The following EFNA2 variants were observed in gnomAD, a reference collection of about 807,000 sequenced individuals.
EFNA2 encodes ephrin A2.
EFNA2 carries 18 observed loss-of-function variants against 19.7 expected under a neutral mutation model. That is an observed-to-expected ratio of 0.91 (90% CI 0.63 to 1.35). EFNA2 has a LOEUF of 1.35. Among genes scored for constraint, EFNA2 ranks in the 40% most tolerant of loss-of-function variants. The pLI is 0.00. For synonymous variants in EFNA2, 187 were observed against 137.8 expected (o/e 1.36, Z -2.50); for missense variants, 303 against 296.0 (o/e 1.02, Z -0.17).
At position 1,286,904 on chromosome 19, in the gene EFNA2, A is replaced by G. The variant is rs2081467636; in HGVS notation, c.140+596A>G. The stretch of plus-strand genomic sequence containing the variant: ...CTGAGGGGCCGGGGAGCTGGGGGTC[A>G]GCCCCGGGAGGGGCAGTGGGATGGA... On this transcript the variant is annotated intron_variant, in intron 1 of 3. Transcript: ENST00000215368. The surrounding 1 kb of genome is among the most constrained non-coding windows in gnomAD (Gnocchi z 5.6). Among the ~76,000 whole-genome samples the G allele has an allele frequency of 6.6e-6, 1 of 152,162 alleles. No homozygotes were observed. The highest frequency in any genetic ancestry group is 6.5e-5 in the Admixed American group (1 of 15,280).
rs2081463837 is a variant in EFNA2 at position 1,286,261 on chromosome 19, C to T, written c.93C>T (p.Arg31=). 1 of 1,125,446 alleles carries T rather than the reference C, an allele frequency of 8.9e-7. No individual in the cohort carries two copies. Among genetic ancestry groups the T allele is most frequent in the South Asian group, 2.0e-5 (1 of 51,022 alleles). The allele number at this position is 1,125,446 out of a possible 1,614,324, so 69.7% of individuals were successfully genotyped here. A position where few individuals can be genotyped will look rare whatever the true frequency, so the allele number is the denominator to read the frequency against. Residue 31 remains arginine, a synonymous_variant, in exon 1 of 4, where the codon CGC becomes CGT. Coordinates refer to ENST00000215368, the MANE Select transcript of EFNA2 (RefSeq NM_001405.4). The surrounding 1 kb of genome is among the most constrained non-coding windows in gnomAD (Gnocchi z 5.6). ...PPFARAEDAA[R]ANSDRYAVYW... ...TCGCGCGCGCCGAGGACGCCGCCCG[C>T]GCCAACTCGGACCGCTACGCCGTCT...
chr19:1,300,795 A>G lies in EFNA2; in HGVS notation c.*850A>G, dbSNP rs904661142. 6.6e-6 allele frequency among the ~76,000 whole-genome samples: 1 copy of G among 152,140 alleles called. No individual in the cohort carries two copies. The highest frequency in any genetic ancestry group is 2.4e-5 in the African/African-American group (1 of 41,428). Reference sequence around the variant, plus strand: ...AGAAACTGCTTTGGCCGATGCAAACAGCCCCCTACCCGTCCCCCTCGCCTC... The same window carrying G: ...AGAAACTGCTTTGGCCGATGCAAACGGCCCCCTACCCGTCCCCCTCGCCTC... On this transcript the variant is annotated 3_prime_UTR_variant, in exon 4 of 4. Coordinates refer to ENST00000215368, the MANE Select transcript of EFNA2 (RefSeq NM_001405.4).
At chr19:1,289,909 T>C (rs1168448061) in intron 1 of EFNA2, among the ~76,000 whole-genome samples, 2 of 152,008 alleles carry the variant, frequency 1.3e-5, no homozygotes, top group Admixed American at 1.3e-4. Context: ...GGGTTTTTTG[T>C]TTTGTTTGAG....
chr19:1,292,031 C>T (rs1347968500), intron 1 of EFNA2, among the ~76,000 whole-genome samples: 1 of 152,224 alleles, frequency 6.6e-6, no homozygotes, highest in South Asian at 2.1e-4. Context: ...GTCATTAACC[C>T]CTTAGTGAGA....
intron 1 of EFNA2, among the ~76,000 whole-genome samples, chr19:1,291,626 G>T (rs1038303400): frequency 1.3e-5 from 2 of 152,150 alleles, no homozygotes; most frequent in African/African-American, 4.8e-5. Flanking sequence ...GGGTGCAGGC[G>T]TCCACCTGCC....
intron 3 of EFNA2, among the ~76,000 whole-genome samples, chr19:1,299,280 C>T (rs1286089675): frequency 6.6e-6 from 1 of 151,604 alleles, no homozygotes; most frequent in African/African-American, 2.4e-5. Flanking sequence ...ACAGAGTGGC[C>T]GGGCACGGTG....
rs570632825 is a variant in EFNA2 at position 1,296,022 on chromosome 19, A to T, written c.454+164A>T. On this transcript the variant is annotated intron_variant, in intron 2 of 3. Transcript: ENST00000215368. This position sits in a 1 kb window ranked among gnomAD's most constrained non-coding sequence, Gnocchi z 4.4. ...CAGGGGGGAGTGGGCGGGGCCGCGG[A>T]ATGGGGCCAGGGGGGAGTGGGCGGG... is the stretch of plus-strand genomic sequence containing the variant. Among the ~76,000 whole-genome samples, 1 of 116,048 alleles carries T rather than the reference A, an allele frequency of 8.6e-6. No individual in the cohort carries two copies. The highest frequency in any genetic ancestry group is 3.3e-5 in the African/African-American group (1 of 30,592). 76.1% of individuals were successfully genotyped at this position (116,048 alleles called of 152,430 possible).
Position 1,295,751 on chromosome 19 carries a change from G to C in EFNA2, c.347G>C (p.Arg116Pro). ...GGCTTCAAGCGCTGGGAGTGCAACC[G>C]GCCCGCGGCGCCCGGGGGGCCGCTC... ...QRGFKRWECN[R>P]PAAPGGPLKF... The change falls in exon 2 of 4, where the codon CGG becomes CCG. Residue 116 changes from arginine (R) to proline (P), a missense_variant. Transcript: ENST00000215368. The surrounding 1 kb of genome is among the most constrained non-coding windows in gnomAD (Gnocchi z 5.8). The C allele has an allele frequency of 6.2e-7, 1 of 1,605,516 alleles. No homozygotes were observed. The highest frequency in any genetic ancestry group is 1.1e-5 in the South Asian group (1 of 90,130).
At chr19:1,284,739 T>C (rs368531636), upstream of EFNA2, among the ~76,000 whole-genome samples, 4 of 152,164 alleles carry the variant, frequency 2.6e-5, no homozygotes, top group East Asian at 1.9e-4. This position sits in a 1 kb window ranked among gnomAD's most constrained non-coding sequence, Gnocchi z 5.3. Flanking sequence ...GCCAGGAGTT[T>C]GGGTAATGCC....
upstream of EFNA2, among the ~76,000 whole-genome samples, chr19:1,285,540 G>A (rs2081459138): frequency 6.6e-6 from 1 of 152,158 alleles, no homozygotes; most frequent in South Asian, 2.1e-4. The surrounding 1 kb of genome is among the most constrained non-coding windows in gnomAD (Gnocchi z 4.1). Context: ...TTTGGGACGC[G>A]TGCGTCGGGG....
In EFNA2 at chr19:1,295,785, G is replaced by T; in HGVS notation, c.381G>T (p.Ser127=). 1.2e-6 allele frequency: 2 copies of T among 1,608,116 alleles called. No individual in the cohort carries two copies. Among genetic ancestry groups the T allele is most frequent in the Non-Finnish European group, 1.7e-6 (2 of 1,178,314 alleles). The change falls in exon 2 of 4, where the codon TCG becomes TCT. Residue 127 remains serine, a synonymous_variant. Coordinates refer to ENST00000215368, the MANE Select transcript of EFNA2 (RefSeq NM_001405.4). This position sits in a 1 kb window ranked among gnomAD's most constrained non-coding sequence, Gnocchi z 5.8. Reference sequence around the variant, plus strand: ...CGCCCGGGGGGCCGCTCAAGTTCTCGGAGAAGTTCCAGCTCTTCACGCCCT... The same window carrying T: ...CGCCCGGGGGGCCGCTCAAGTTCTCTGAGAAGTTCCAGCTCTTCACGCCCT... ...PAAPGGPLKF[S]EKFQLFTPFS...
In EFNA2 at chr19:1,285,961, C is replaced by A. The variant is rs1033429185; in HGVS notation, c.-208C>A. Among the ~76,000 whole-genome samples, 1 of 145,202 alleles carries A rather than the reference C, an allele frequency of 6.9e-6. No homozygotes were observed. Among genetic ancestry groups the A allele is most frequent in the African/African-American group, 2.5e-5 (1 of 40,594 alleles). On this transcript the variant is annotated 5_prime_UTR_variant, in exon 1 of 4. Coordinates refer to ENST00000215368, the MANE Select transcript of EFNA2 (RefSeq NM_001405.4). This position sits in a 1 kb window ranked among gnomAD's most constrained non-coding sequence, Gnocchi z 4.1. The stretch of plus-strand genomic sequence containing the variant: ...CCGGGTCCTGCGCCCGGGGCGACCC[C>A]GGCGCCCCGCCCCGCCGCCGCCTGA...
At position 1,299,826 on chromosome 19, in the gene EFNA2, G is replaced by C. The variant is rs779867522; in HGVS notation, c.523G>C (p.Glu175Gln). Residue 175 changes from glutamate to glutamine, a missense_variant and splice_region_variant, in exon 4 of 4, where the codon GAG (glutamate) becomes CAG (glutamine). Physicochemically the swap from Glu to Gln is conservative, Grantham distance 29. Coordinates refer to ENST00000215368, the MANE Select transcript of EFNA2 (RefSeq NM_001405.4). ...CGTGCTGTCTCTGCCACCCGCAGAC[G>C]AGACCCTGTACGAGGCTCCTGAGCC... ...RLKVYVRPTN[E>Q]TLYEAPEPIF... 1.3e-5 allele frequency: 21 copies of C among 1,600,354 alleles called. No individual in the cohort carries two copies. The Middle Eastern group carries it at 8.2e-4, about 63-fold the overall frequency.
Position 1,286,533 on chromosome 19 carries a change from G to A in EFNA2, c.140+225G>A, listed in dbSNP as rs996422499. 6.6e-6 allele frequency among the ~76,000 whole-genome samples: 1 copy of A among 151,948 alleles called. No individual in the cohort carries two copies. The highest frequency in any genetic ancestry group is 2.4e-5 in the African/African-American group (1 of 41,404). ...TCCCCGGGGCGCCCCATTGCCCTAC[G>A]GACTGTGGGGACTCGCGCCCCACAT... is the stretch of plus-strand genomic sequence containing the variant. On this transcript the variant is annotated intron_variant, in intron 1 of 3. Coordinates refer to ENST00000215368, the MANE Select transcript of EFNA2 (RefSeq NM_001405.4). This position sits in a 1 kb window ranked among gnomAD's most constrained non-coding sequence, Gnocchi z 5.6.
intron 1 of EFNA2, among the ~76,000 whole-genome samples, chr19:1,290,874 C>T (rs1568863374): frequency 1.3e-5 from 2 of 152,226 alleles, no homozygotes; most frequent in Admixed American, 1.3e-4. Flanking sequence ...CTCAAGCAGG[C>T]GTTTGAACTC....
chr19:1,287,455 T>C lies in EFNA2; in HGVS notation c.140+1147T>C, dbSNP rs1474519791. Among the ~76,000 whole-genome samples, 1 of 151,900 alleles carries C rather than the reference T, an allele frequency of 6.6e-6. No homozygotes were observed. The highest frequency in any genetic ancestry group is 2.4e-5 in the African/African-American group (1 of 41,336). ...GCTTCCTGTGCCGACCGAGCCGCCCTCTGGAGCCCGCCACCCCTCCTTGTC... is the reference window on the plus strand; with the variant it reads ...GCTTCCTGTGCCGACCGAGCCGCCCCCTGGAGCCCGCCACCCCTCCTTGTC... On this transcript the variant is annotated intron_variant, in intron 1 of 3. Coordinates refer to ENST00000215368, the MANE Select transcript of EFNA2 (RefSeq NM_001405.4). This position sits in a 1 kb window ranked among gnomAD's most constrained non-coding sequence, Gnocchi z 6.2.
Position 1,296,825 on chromosome 19 carries a change from C to G in EFNA2, c.454+967C>G, listed in dbSNP as rs2081518014. ...TCATCTGAAGGTTGGGTGGCGGCAG[C>G]CTTGGGGATAGTCACATCTGCAGGA... is the stretch of plus-strand genomic sequence containing the variant. On this transcript the variant is annotated intron_variant, in intron 2 of 3. Coordinates refer to ENST00000215368, the MANE Select transcript of EFNA2 (RefSeq NM_001405.4). The surrounding 1 kb of genome is among the most constrained non-coding windows in gnomAD (Gnocchi z 4.4). 6.6e-6 allele frequency among the ~76,000 whole-genome samples: 1 copy of G among 152,182 alleles called. No homozygotes were observed. The highest frequency in any genetic ancestry group is 6.5e-5 in the Admixed American group (1 of 15,280).
chr19:1,299,548 G>T (rs1362174115), intron 3 of EFNA2, among the ~76,000 whole-genome samples: 1 of 147,616 alleles, frequency 6.8e-6, no homozygotes, highest in Non-Finnish European at 1.5e-5. Context: ...GTGAGACTCC[G>T]TCTCAAAAAA....
chr19:1,298,072 CAAAAAAAA>C (rs58897953), intron 2 of EFNA2, among the ~76,000 whole-genome samples: 2 of 49,846 alleles, frequency 4.0e-5, no homozygotes, highest in African/African-American at 6.9e-5. Context: ...AGCTCCATCA[CAAAAAAAA>C]AAAAAAAAAA....
Sources: gnomAD v4.1 joint callset for allele counts (sites outside exome capture counted in the v4.1 genomes callset) on GRCh38, gnomAD v4.1.1 for gene constraint, Gnocchi (gnomAD v3.1) non-coding constraint, MANE v1.5 for transcripts, NCBI Gene and HGNC (gene_info 2026-07-23, HGNC 2026-07-21) for gene names.